MTMR7: variants seen among roughly 807,000 people sequenced by gnomAD.
MTMR7 encodes the protein phosphatidylinositol-3-phosphate phosphatase MTMR7.
A neutral mutation model predicts 81.2 loss-of-function variants in MTMR7; 76 were observed. The ratio of observed to expected loss-of-function variants is 0.94; its 90% confidence interval spans 0.78 to 1.13. The LOEUF (loss-of-function observed/expected upper bound fraction) is 1.13, where lower values mean the gene tolerates loss of function less well. Ranked by LOEUF, MTMR7 falls within the 50% of genes most tolerant of loss-of-function variation. MTMR7 has a pLI of 0.00. For synonymous variants in MTMR7, 372 were observed against 289.8 expected, an observed-to-expected ratio of 1.28 and a Z score of -2.88; for missense variants, 1,044 against 820.0, an observed-to-expected ratio of 1.27 and a Z score of -3.34.
At chr8:17,358,494 G>C (rs1278629232) in intron 4 of MTMR7, among the ~76,000 whole-genome samples, 1 of 152,124 alleles carries the variant, frequency 6.6e-6, no homozygotes, top group Admixed American at 6.5e-5. Flanking sequence ...ATTGAGCAAA[G>C]AGACCAAAAT....
At chr8:17,311,387 T>C (rs1380627405) in intron 9 of MTMR7, 124 bp downstream of exon 9, 4 of 1,274,740 alleles carry the variant, frequency 3.1e-6, no homozygotes, top group Non-Finnish European at 4.4e-6. Context: ...CCCTTTAATC[T>C]TGCTGAGCTA....
intron 7 of MTMR7, among the ~76,000 whole-genome samples, chr8:17,323,646 A>G (rs561069420): frequency 3.3e-5 from 5 of 152,228 alleles, no homozygotes; most frequent in African/African-American, 1.2e-4. Flanking sequence ...CAGAGGCCGC[A>G]GGGGTGGGGG....
At chr8:17,304,665 G>T in intron 11 of MTMR7, 146 bp from the exon 12 acceptor site, 2 of 766,894 alleles carry the variant, frequency 2.6e-6, no homozygotes, top group South Asian at 1.8e-5. Flanking sequence ...TCATCTTGGT[G>T]ACTTCATGGT....
chr8:17,377,861 T>C (rs1334272747), intron 1 of MTMR7, among the ~76,000 whole-genome samples: 1 of 152,182 alleles, frequency 6.6e-6, no homozygotes, highest in Non-Finnish European at 1.5e-5. Flanking sequence ...TTAAACATTC[T>C]ATTTTAAAGT....
At chr8:17,304,674 G>A (rs1386086213) in intron 11 of MTMR7, among the ~76,000 whole-genome samples, 155 bp from the exon 12 acceptor site, 1 of 151,638 alleles carries the variant, frequency 6.6e-6, no homozygotes, top group East Asian at 1.9e-4. Flanking sequence ...TGACTTCATG[G>A]TATAGAGGGA....
chr8:17,339,337 C>A (rs559271055), intron 6 of MTMR7, among the ~76,000 whole-genome samples: 1 of 152,190 alleles, frequency 6.6e-6, no homozygotes, highest in Non-Finnish European at 1.5e-5. Context: ...GGTATACCCA[C>A]AGAGTTGTGC....
chr8:17,322,800 G>A lies in MTMR7; in HGVS notation c.865+8350C>T, dbSNP rs571363839. 7.3e-5 allele frequency among the ~76,000 whole-genome samples: 11 copies of A among 151,492 alleles called. No individual in the cohort carries two copies. The South Asian group carries it at 2.3e-3, about 32-fold the overall frequency. ...CAGTTGCATCACTGCACTTCAGCCT[G>A]GACAACACAGGGAGACCCTCTCTCT... On this transcript the variant is annotated intron_variant, in intron 7 of 13. Transcript: ENST00000180173.
At chr8:17,341,667 G>C (rs1391773297) in intron 5 of MTMR7, among the ~76,000 whole-genome samples, 170 bp from the exon 6 acceptor site, 1 of 152,156 alleles carries the variant, frequency 6.6e-6, no homozygotes, top group Admixed American at 6.5e-5. Flanking sequence ...TAAAATTCAA[G>C]TCAAACCACT....
intron 1 of MTMR7, among the ~76,000 whole-genome samples, chr8:17,375,341 C>T (rs1360331882): frequency 6.6e-6 from 1 of 151,954 alleles, no homozygotes; most frequent in Non-Finnish European, 1.5e-5. Flanking sequence ...CTACTGAGGT[C>T]AATAAAGAAT....
chr8:17,321,362 A>C (rs1402089385), intron 7 of MTMR7, among the ~76,000 whole-genome samples: 1 of 152,204 alleles, frequency 6.6e-6, no homozygotes, highest in Non-Finnish European at 1.5e-5. Flanking sequence ...TGTGGCTCTC[A>C]CCATGTCAGC....
intron 5 of MTMR7, among the ~76,000 whole-genome samples, chr8:17,346,577 T>C (rs922721718): frequency 2.6e-5 from 4 of 152,038 alleles, no homozygotes; most frequent in Non-Finnish European, 5.9e-5. Context: ...CTGCTAAAAA[T>C]TCTCTTTCTG....
intron 5 of MTMR7, among the ~76,000 whole-genome samples, chr8:17,347,315 G>C (rs1464263038): frequency 1.3e-5 from 2 of 152,046 alleles, no homozygotes; most frequent in African/African-American, 4.8e-5. Context: ...GCTAGGAAAA[G>C]AAGAAGAGCA....
chr8:17,386,043 G>C (rs991441101), intron 1 of MTMR7, among the ~76,000 whole-genome samples: 5 of 152,128 alleles, frequency 3.3e-5, no homozygotes, highest in Non-Finnish European at 5.9e-5. Flanking sequence ...CTGCTAAATT[G>C]TGGAGTGCCT....
intron 9 of MTMR7, among the ~76,000 whole-genome samples, chr8:17,309,639 TCTCA>T (rs1156263612): frequency 1.3e-5 from 2 of 152,214 alleles, no homozygotes; most frequent in Admixed American, 6.5e-5. Context: ...GGATAGGTAT[TCTCA>T]CTCTTTTAGA....
intron 1 of MTMR7, among the ~76,000 whole-genome samples, chr8:17,408,091 G>T (rs1381701416): frequency 6.6e-6 from 1 of 152,054 alleles, no homozygotes; most frequent in Non-Finnish European, 1.5e-5. Context: ...CCATCAATCA[G>T]CAAGAACATC....
At chr8:17,353,541 A>G (rs1379023489) in intron 4 of MTMR7, among the ~76,000 whole-genome samples, 1 of 152,232 alleles carries the variant, frequency 6.6e-6, no homozygotes, top group Non-Finnish European at 1.5e-5. Flanking sequence ...AACTCTGACA[A>G]TACATAATGC....
At chr8:17,386,626 C>T (rs1175395576) in intron 1 of MTMR7, among the ~76,000 whole-genome samples, 1 of 139,110 alleles carries the variant, frequency 7.2e-6, no homozygotes, top group Non-Finnish European at 1.6e-5. Context: ...ATTGCTGGCT[C>T]TCAGCAGGCT....
chr8:17,374,233 C>G (rs1411745126), intron 1 of MTMR7, among the ~76,000 whole-genome samples: 1 of 152,222 alleles, frequency 6.6e-6, no homozygotes, highest in South Asian at 2.1e-4. Flanking sequence ...CATCTGTAAT[C>G]CCAGCACTTT....
intron 5 of MTMR7, among the ~76,000 whole-genome samples, chr8:17,348,541 C>A (rs1819631239): frequency 1.0e-5 from 1 of 100,496 alleles, no homozygotes; most frequent in African/African-American, 3.7e-5. Context: ...CAGAGTGAGA[C>A]TCTGTCTCAA....
Sources: gnomAD v4.1 joint callset for allele counts (sites outside exome capture counted in the v4.1 genomes callset) on GRCh38, gnomAD v4.1.1 for gene constraint, MANE v1.5 for transcripts, NCBI Gene and HGNC (gene_info 2026-07-23, HGNC 2026-07-21) for gene names.